Variants in ETV6 observed in about 807,000 individuals in gnomAD.
ETV6 encodes ETS variant transcription factor 6.
In ETV6, 16 loss-of-function variants were observed where a neutral mutation model predicts 51.1. The ratio of observed to expected loss-of-function variants is 0.31; its 90% confidence interval spans 0.21 to 0.48. The LOEUF is 0.48. Ranked by LOEUF, ETV6 falls within the 20% of genes least tolerant of loss-of-function variation. The pLI, the probability that ETV6 is intolerant of heterozygous loss-of-function variation, is 0.99. For synonymous variants in ETV6, 240 were observed against 224.1 expected, an observed-to-expected ratio of 1.07 and a Z score of -0.64; for missense variants, 458 against 594.8, an observed-to-expected ratio of 0.77 and a Z score of 2.39.
At position 11,894,453 on chromosome 12, in the gene ETV6, G is replaced by A. The variant is rs1947360697; in HGVS notation, c.*3407G>A. ...CCCAGGGCGACTTGGTTTTGCTTAA[G>A]GTGGCATCACCAATGTTCCAAATCC... On this transcript the variant is annotated 3_prime_UTR_variant, in exon 8 of 8. Transcript: ENST00000396373. The A allele has an allele frequency of 4.3e-6, 1 of 233,200 alleles. No homozygotes were observed. Among genetic ancestry groups the A allele is most frequent in the Non-Finnish European group, 8.5e-6 (1 of 118,016 alleles). The allele number at this position is 233,200 out of a possible 1,614,324, so 14.4% of individuals were successfully genotyped here. A position where few individuals can be genotyped will look rare whatever the true frequency, so the allele number is the denominator to read the frequency against.
chr12:11,724,763 A>G (rs573579429), intron 1 of ETV6, among the ~76,000 whole-genome samples: 52 of 152,234 alleles, frequency 3.4e-4, no homozygotes, highest in Non-Finnish European at 5.7e-4. Flanking sequence ...TGTAGTAGAT[A>G]TGTCTCTAGA....
intron 1 of ETV6, among the ~76,000 whole-genome samples, chr12:11,656,393 T>A (rs1046209360): frequency 2.0e-5 from 3 of 152,160 alleles, no homozygotes; most frequent in African/African-American, 7.2e-5. Flanking sequence ...GGCTGGTGGA[T>A]TGTTACATAA....
intron 1 of ETV6, among the ~76,000 whole-genome samples, chr12:11,750,332 A>C (rs2121057246): frequency 6.6e-6 from 1 of 152,326 alleles, no homozygotes; most frequent in Non-Finnish European, 1.5e-5. Flanking sequence ...TGGAGTTCCT[A>C]AGAAATGAAG....
At chr12:11,881,483 C>G (rs1354656400) in intron 5 of ETV6, among the ~76,000 whole-genome samples, 1 of 152,184 alleles carries the variant, frequency 6.6e-6, no homozygotes, top group Non-Finnish European at 1.5e-5. Context: ...CTGGGGAGAT[C>G]AAGGCCCTGG....
At chr12:11,888,550 C>T (rs191123252) in intron 7 of ETV6, among the ~76,000 whole-genome samples, 1 of 152,216 alleles carries the variant, frequency 6.6e-6, no homozygotes, top group East Asian at 1.9e-4. Flanking sequence ...TTACAGGTGC[C>T]TGCCACCACA....
At chr12:11,662,896 G>A (rs1864126275) in intron 1 of ETV6, among the ~76,000 whole-genome samples, 1 of 152,132 alleles carries the variant, frequency 6.6e-6, no homozygotes, top group South Asian at 2.1e-4. Context: ...CCTCAAGTGG[G>A]GTCTGTGTGG....
chr12:11,779,808 T>G (rs148882227), intron 2 of ETV6, among the ~76,000 whole-genome samples: 37 of 152,338 alleles, frequency 2.4e-4, no homozygotes, highest in Non-Finnish European at 4.6e-4. Flanking sequence ...CTGTGACTGT[T>G]CAGTGCATGA....
chr12:11,885,007 T>C (rs868020536), intron 6 of ETV6, among the ~76,000 whole-genome samples: 1 of 152,206 alleles, frequency 6.6e-6, no homozygotes, highest in African/African-American at 2.4e-5. Context: ...CATTTCTTTA[T>C]AGAAAATACT....
intron 2 of ETV6, among the ~76,000 whole-genome samples, chr12:11,802,895 AT>A (rs1430356802): frequency 6.6e-6 from 1 of 152,212 alleles, no homozygotes; most frequent in African/African-American, 2.4e-5. Context: ...CTAGTGACCT[AT>A]AAGCCCATTA....
At chr12:11,655,608 A>G (rs1863985796) in intron 1 of ETV6, among the ~76,000 whole-genome samples, 1 of 152,246 alleles carries the variant, frequency 6.6e-6, no homozygotes, top group Non-Finnish European at 1.5e-5. Context: ...CACATTATCC[A>G]TTGGGTAGAA....
At chr12:11,687,212 C>CTT (rs1183564722) in intron 1 of ETV6, among the ~76,000 whole-genome samples, 4 of 87,662 alleles carry the variant, frequency 4.6e-5, no homozygotes, top group Admixed American at 1.4e-4. Context: ...TTTTTCTGTT[C>CTT]TTTTTTTTTT....
At chr12:11,861,591 A>G (rs1187244241) in intron 4 of ETV6, among the ~76,000 whole-genome samples, 1 of 152,140 alleles carries the variant, frequency 6.6e-6, no homozygotes, top group East Asian at 1.9e-4. Context: ...CTTAAGCCAG[A>G]AGTTTTAGGG....
intron 5 of ETV6, among the ~76,000 whole-genome samples, chr12:11,878,658 C>G (rs771956609): frequency 1.3e-5 from 2 of 151,954 alleles, no homozygotes; most frequent in Non-Finnish European, 1.5e-5. Context: ...TCTCCCTCCC[C>G]CAGCGTGCCA....
intron 1 of ETV6, among the ~76,000 whole-genome samples, chr12:11,661,244 C>T (rs112211980): frequency 0.039 from 5,880 of 152,272 alleles, 131 homozygotes; most frequent in Admixed American, 0.062. Flanking sequence ...CCTCCCACCT[C>T]GGCCTCCCAA....
intron 2 of ETV6, among the ~76,000 whole-genome samples, chr12:11,833,234 T>G (rs959208587): frequency 1.3e-5 from 2 of 152,226 alleles, no homozygotes; most frequent in African/African-American, 4.8e-5. Context: ...GTGTTTCATA[T>G]CATCATCATG....
chr12:11,798,698 C>A (rs1945709977), intron 2 of ETV6, among the ~76,000 whole-genome samples: 1 of 152,172 alleles, frequency 6.6e-6, no homozygotes, highest in African/African-American at 2.4e-5. Context: ...AAGAGTATTT[C>A]TAAATGCTTT....
In ETV6 at chr12:11,893,468, C is replaced by A. The variant is rs997905833; in HGVS notation, c.*2422C>A. 9 of 231,528 alleles carry A rather than the reference C, an allele frequency of 3.9e-5. No homozygotes were observed. Among genetic ancestry groups the A allele is most frequent in the Admixed American group, 2.3e-4 (4 of 17,714 alleles). The allele number at this position is 231,528 out of a possible 1,614,324, so 14.3% of individuals were successfully genotyped here. A position where few individuals can be genotyped will look rare whatever the true frequency, so the allele number is the denominator to read the frequency against. Reference sequence around the variant, plus strand: ...TTAGACTTAGGATGATACCTTCAGCCACTTGAAGAAGAAATAGAAGGCGCT... The same window carrying A: ...TTAGACTTAGGATGATACCTTCAGCAACTTGAAGAAGAAATAGAAGGCGCT... On this transcript the variant is annotated 3_prime_UTR_variant, in exon 8 of 8. Transcript: ENST00000396373.
At chr12:11,825,873 T>C (rs1165022874) in intron 2 of ETV6, among the ~76,000 whole-genome samples, 1 of 149,938 alleles carries the variant, frequency 6.7e-6, no homozygotes, top group Non-Finnish European at 1.5e-5. Flanking sequence ...AGCCTCATTC[T>C]GTCACCCAGG....
intron 1 of ETV6, among the ~76,000 whole-genome samples, chr12:11,693,421 G>A (rs544879606): frequency 6.6e-6 from 1 of 152,182 alleles, no homozygotes; most frequent in African/African-American, 2.4e-5. Flanking sequence ...TAGTCATCTG[G>A]GTCTGTGCTA....
Sources: gnomAD v4.1 joint callset for allele counts (sites outside exome capture counted in the v4.1 genomes callset) on GRCh38, gnomAD v4.1.1 for gene constraint, MANE v1.5 for transcripts, NCBI Gene and HGNC (gene_info 2026-07-23, HGNC 2026-07-21) for gene names.